The following TANK variants were observed in gnomAD, a reference collection of about 807,000 sequenced individuals.
TANK encodes the protein TRAF family member associated NFKB activator, also known as TRAF family member-associated NF-kappa-B activator.
TANK carries 15 observed loss-of-function variants against 43.6 expected under a neutral mutation model. That is an observed-to-expected ratio of 0.34 (90% CI 0.23 to 0.53). The LOEUF is 0.53. TANK is among the 20% of genes least tolerant of loss of function. TANK has a pLI of 0.94. For synonymous variants in TANK, 162 were observed against 178.2 expected, an observed-to-expected ratio of 0.91 and a Z score of 0.73; for missense variants, 417 against 498.6, an observed-to-expected ratio of 0.84 and a Z score of 1.56.
chr2:161,170,091 A>G (rs1684875991), intron 1 of TANK, among the ~76,000 whole-genome samples: 1 of 152,176 alleles, frequency 6.6e-6, no homozygotes, highest in Non-Finnish European at 1.5e-5. Context: ...AATTAAAGGC[A>G]TGTCTTTGAG....
Position 161,160,644 on chromosome 2 carries a change from G to C in TANK, c.-50+158G>C, listed in dbSNP as rs1229887351. On this transcript the variant is annotated intron_variant, in intron 1 of 7. Transcript: ENST00000392749. ...ACAACCAATTTGCAGTTTGGGGAGG[G>C]ATTTTGTGCGGGAGAAACCACGCGA... 3 of 599,566 alleles carry C rather than the reference G, an allele frequency of 5.0e-6. No individual in the cohort carries two copies. The East Asian group carries it at 9.7e-5, about 19-fold the overall frequency. 37.1% of individuals were successfully genotyped at this position (599,566 alleles called of 1,614,324 possible). A position where few individuals can be genotyped will look rare whatever the true frequency, so the allele number is the denominator to read the frequency against.
At chr2:161,147,009 G>A (rs1683929378) in intron 1 of TANK, among the ~76,000 whole-genome samples, 1 of 152,158 alleles carries the variant, frequency 6.6e-6, no homozygotes, top group African/African-American at 2.4e-5. Flanking sequence ...TTCTGTCCCT[G>A]AGTCCCTGGC....
At chr2:161,157,426 G>A (rs1444406950), upstream of TANK, among the ~76,000 whole-genome samples, 1 of 152,122 alleles carries the variant, frequency 6.6e-6, no homozygotes, top group African/African-American at 2.4e-5. Context: ...TGCCTTCCAA[G>A]GCCATTGTGA....
At chr2:161,188,088 G>T (rs1311382673) in intron 2 of TANK, among the ~76,000 whole-genome samples, 2 of 152,064 alleles carry the variant, frequency 1.3e-5, no homozygotes, top group African/African-American at 2.4e-5. Flanking sequence ...AGCTGTAAAT[G>T]CATGTATTGA....
At chr2:161,160,384 A>G, upstream of TANK, 1 of 1,229,596 alleles carries the variant, frequency 8.1e-7, no homozygotes, top group Non-Finnish European at 1.0e-6. Context: ...GCGCGCAGGC[A>G]CTGCCCTCTG....
chr2:161,186,440 T>C (rs539538700), intron 2 of TANK, among the ~76,000 whole-genome samples: 55 of 152,310 alleles, frequency 3.6e-4, no homozygotes, highest in African/African-American at 1.3e-3. Context: ...TTTATTGCTT[T>C]CAAGGGCAGT....
At chr2:161,210,184 G>C (rs1172391319) in intron 4 of TANK, among the ~76,000 whole-genome samples, 2 of 152,106 alleles carry the variant, frequency 1.3e-5, no homozygotes, top group East Asian at 3.9e-4. Flanking sequence ...CAGTGATATA[G>C]CTGTGGAGCT....
intron 4 of TANK, among the ~76,000 whole-genome samples, chr2:161,208,604 G>T (rs370931210): frequency 5.9e-5 from 9 of 152,070 alleles, no homozygotes; most frequent in African/African-American, 1.4e-4. Flanking sequence ...TACCTGGGTG[G>T]CCCTGACTCA....
chr2:161,229,763 G>T (rs909212004), intron 6 of TANK, among the ~76,000 whole-genome samples: 2 of 152,192 alleles, frequency 1.3e-5, no homozygotes, highest in Non-Finnish European at 2.9e-5. Context: ...TGTATACCCT[G>T]TCTACCTAGA....
At chr2:161,189,144 A>G (rs184683782) in intron 2 of TANK, among the ~76,000 whole-genome samples, 53 of 152,340 alleles carry the variant, frequency 3.5e-4, no homozygotes, top group Middle Eastern at 6.8e-3. Flanking sequence ...TCAACAAAAC[A>G]CTAGCAAATC....
At chr2:161,145,928 G>GTTCCA (rs1309922889) in intron 1 of TANK, among the ~76,000 whole-genome samples, 1 of 150,412 alleles carries the variant, frequency 6.6e-6, no homozygotes, top group African/African-American at 2.5e-5. Flanking sequence ...TTCCAACTTG[G>GTTCCA]TTCCATTCTC....
chr2:161,157,417 G>T (rs1684256270), upstream of TANK, among the ~76,000 whole-genome samples: 1 of 152,138 alleles, frequency 6.6e-6, no homozygotes, highest in African/African-American at 2.4e-5. Flanking sequence ...TTGTCAGTCT[G>T]CCTTCCAAGG....
At chr2:161,219,713 C>T (rs1370831674) in intron 4 of TANK, 11 of 451,710 alleles carry the variant, frequency 2.4e-5, no homozygotes, top group Middle Eastern at 3.3e-4. Context: ...TTCACTTTCT[C>T]CCTGATTCAG....
At chr2:161,228,968 A>G (rs753665070) in intron 6 of TANK, among the ~76,000 whole-genome samples, 2 of 152,216 alleles carry the variant, frequency 1.3e-5, no homozygotes, top group African/African-American at 2.4e-5. Context: ...AGTACACTCT[A>G]TGATGTTTGC....
At chr2:161,155,160 T>C (rs771154808) in intron 1 of TANK, among the ~76,000 whole-genome samples, 4 of 152,156 alleles carry the variant, frequency 2.6e-5, no homozygotes, top group Admixed American at 1.3e-4. Context: ...CTTATTTCTA[T>C]ATATAGATTA....
intron 2 of TANK, among the ~76,000 whole-genome samples, chr2:161,181,782 A>C (rs187783553): frequency 0.011 from 1,604 of 152,282 alleles, 11 homozygotes; most frequent in Non-Finnish European, 0.017. Context: ...GGGTGGGTAC[A>C]CAGAGGCAAA....
chr2:161,196,357 C>G (rs1441736289), intron 2 of TANK, among the ~76,000 whole-genome samples: 1 of 151,904 alleles, frequency 6.6e-6, no homozygotes. Flanking sequence ...GAGATCTAAG[C>G]TAGAAGAAAA....
At chr2:161,208,268 C>T (rs1400981385) in intron 4 of TANK, 2 of 945,448 alleles carry the variant, frequency 2.1e-6, no homozygotes, top group Non-Finnish European at 2.5e-6. Flanking sequence ...GAAAATTTTA[C>T]TTAAGAAACA....
At chr2:161,160,850 C>G (rs1458674742) in intron 1 of TANK, 1 of 515,818 alleles carries the variant, frequency 1.9e-6, no homozygotes, top group East Asian at 5.2e-5. Context: ...CAGGAACATT[C>G]CCGACTTCCC....
Sources: gnomAD v4.1 joint callset for allele counts (sites outside exome capture counted in the v4.1 genomes callset) on GRCh38, gnomAD v4.1.1 for gene constraint, MANE v1.5 for transcripts, NCBI Gene and HGNC (gene_info 2026-07-23, HGNC 2026-07-21) for gene names.